TTLL5: variants seen among roughly 807,000 people sequenced by gnomAD.
TTLL5 encodes tubulin tyrosine ligase like 5, also known as tubulin polyglutamylase TTLL5.
A neutral mutation model predicts 168.4 loss-of-function variants in TTLL5; 132 were observed. The observed-to-expected ratio is 0.78, with a 90% CI of 0.68 to 0.91. The LOEUF is 0.91. Among genes scored for constraint, TTLL5 ranks in the 40% least tolerant of loss-of-function variants. The pLI is 0.00. For missense variants in TTLL5, 1,545 were observed against 1,581.5 expected (o/e 0.98, Z 0.39); for synonymous variants, 546 against 558.6 (o/e 0.98, Z 0.32).
intron 30 of TTLL5, among the ~76,000 whole-genome samples, chr14:75,899,622 G>T (rs1008402423): frequency 6.6e-6 from 1 of 152,170 alleles, no homozygotes; most frequent in Non-Finnish European, 1.5e-5. Flanking sequence ...CATTAGAAGT[G>T]TTCAAATTCT....
rs190278106 is a variant in TTLL5, at chr14:75,782,600, T to A, written c.2602+27T>A. 9.6e-5 allele frequency: 152 copies of A among 1,580,852 alleles called. 1 individual carries two copies. In the Admixed American group the frequency reaches 2.5e-3, roughly 26 times the overall value. On this transcript the variant is annotated intron_variant, in intron 25 of 31. Transcript: ENST00000298832. ...TGAGTGATTTCAAACCTACCTAGAT[T>A]TGCTGCTCTCTGATAATTTCCTAAA... is the stretch of plus-strand genomic sequence containing the variant.
chr14:75,783,406 C>T lies in TTLL5; in HGVS notation c.2862C>T (p.Ile954=). The stretch of plus-strand genomic sequence containing the variant: ...GCCTACATCCCGGGGCACAGAACAT[C>T]CCAAGCCCTACTGGCCTGCCACGCT... ...SPCLHPGAQN[I]PSPTGLPRCR... Residue 954 remains isoleucine (I), a synonymous_variant, in exon 26 of 32, where the codon ATC becomes ATT. Coordinates refer to ENST00000298832, the MANE Select transcript of TTLL5 (RefSeq NM_015072.5). The T allele has an allele frequency of 6.2e-7, 1 of 1,614,222 alleles. No individual in the cohort carries two copies. The highest frequency in any genetic ancestry group is 1.7e-5 in the Admixed American group (1 of 60,032).
In TTLL5 at chr14:75,663,304, C is replaced by T. The variant is rs1594830627; in HGVS notation, c.74+81C>T. ...CTCTTATATACTGTTTTACTATATA[C>T]TCTTCTCTTTTACTTATGTACTCTT... On this transcript the variant is annotated intron_variant, in intron 2 of 31. Transcript: ENST00000298832. The T allele has an allele frequency of 5.3e-6, 7 of 1,315,996 alleles. No individual in the cohort carries two copies. In the East Asian group the frequency reaches 1.5e-4, roughly 28 times the overall value. 81.5% of individuals were successfully genotyped at this position (1,315,996 alleles called of 1,614,324 possible).
intron 30 of TTLL5, chr14:75,886,825 T>G: frequency 6.4e-7 from 1 of 1,559,916 alleles, no homozygotes; most frequent in South Asian, 1.2e-5. Flanking sequence ...TGAGCTTTTT[T>G]CAGAGCCAGA....
At chr14:75,747,454 A>G (rs1427302368) in intron 17 of TTLL5, among the ~76,000 whole-genome samples, 1 of 151,036 alleles carries the variant, frequency 6.6e-6, no homozygotes, top group Non-Finnish European at 1.5e-5. Flanking sequence ...ATGTACAGTA[A>G]TTTTTTTAAT....
At chr14:75,897,300 C>G (rs972158920) in intron 30 of TTLL5, among the ~76,000 whole-genome samples, 1 of 152,104 alleles carries the variant, frequency 6.6e-6, no homozygotes, top group Non-Finnish European at 1.5e-5. Context: ...GAACATGTCC[C>G]AAGGAAAGAG....
chr14:75,743,949 T>A (rs963752367), intron 15 of TTLL5, among the ~76,000 whole-genome samples: 8 of 152,134 alleles, frequency 5.3e-5, no homozygotes, highest in Non-Finnish European at 1.2e-4. Context: ...TCATCTGACT[T>A]TAATTACCTT....
chr14:75,807,701 G>A (rs1893739650), intron 27 of TTLL5, among the ~76,000 whole-genome samples: 1 of 152,186 alleles, frequency 6.6e-6, no homozygotes, highest in African/African-American at 2.4e-5. Flanking sequence ...CTGACTCTGT[G>A]CTCTTTACCT....
intron 12 of TTLL5, among the ~76,000 whole-genome samples, chr14:75,729,770 G>A (rs2140227711): frequency 6.6e-6 from 1 of 152,136 alleles, no homozygotes; most frequent in East Asian, 1.9e-4. Flanking sequence ...GCAGTAACAA[G>A]ATTTATTCAT....
At chr14:75,775,780 G>C in intron 22 of TTLL5, 150 bp downstream of exon 22, 1 of 1,017,020 alleles carries the variant, frequency 9.8e-7, no homozygotes, top group Non-Finnish European at 1.4e-6. Context: ...GGGGAAGCAG[G>C]ACCCCACACC....
intron 26 of TTLL5, among the ~76,000 whole-genome samples, chr14:75,787,334 A>C (rs1338934490): frequency 1.3e-5 from 2 of 152,228 alleles, no homozygotes; most frequent in Non-Finnish European, 2.9e-5. Flanking sequence ...GATGAGTACT[A>C]ACCAGAAGAA....
intron 27 of TTLL5, among the ~76,000 whole-genome samples, chr14:75,800,902 G>A (rs1306199785): frequency 6.6e-6 from 1 of 152,136 alleles, no homozygotes; most frequent in Non-Finnish European, 1.5e-5. Context: ...GACTCTGTGA[G>A]GGTCCTTTGT....
intron 28 of TTLL5, among the ~76,000 whole-genome samples, chr14:75,842,470 G>A (rs1462590502): frequency 1.3e-5 from 2 of 152,144 alleles, no homozygotes; most frequent in East Asian, 1.9e-4. Context: ...AGACTAGAAG[G>A]AATCCCTGTG....
intron 6 of TTLL5, among the ~76,000 whole-genome samples, chr14:75,698,878 C>T (rs996826404): frequency 6.6e-6 from 1 of 151,552 alleles, no homozygotes; most frequent in African/African-American, 2.4e-5. Context: ...GCACTCCAGC[C>T]TGGTCAACAG....
Position 75,690,198 on chromosome 14 carries a change from T to C in TTLL5, c.378T>C (p.Tyr126=), listed in dbSNP as rs1489134570. The C allele has an allele frequency of 4.3e-6, 7 of 1,613,042 alleles. No homozygotes were observed. Among genetic ancestry groups the C allele is most frequent in the Admixed American group, 1.7e-5 (1 of 59,630 alleles). ...TACTTTTTTGATTTTTCAGGTCTTA[T>C]GAACTTACCCGGAAGGACCGACTGT... ...AQKVNHFPRS[Y]ELTRKDRLYK... The change falls in exon 6 of 32, where the codon TAT becomes TAC. Residue 126 remains tyrosine, a synonymous_variant. Coordinates refer to ENST00000298832, the MANE Select transcript of TTLL5 (RefSeq NM_015072.5).
chr14:75,877,132 A>AT (rs1232485588), intron 29 of TTLL5, among the ~76,000 whole-genome samples: 1 of 152,216 alleles, frequency 6.6e-6, no homozygotes, highest in African/African-American at 2.4e-5. Context: ...CTACTCAAAT[A>AT]GAGAGTAGCG....
intron 9 of TTLL5, chr14:75,712,110 C>T (rs903093646): frequency 1.3e-5 from 2 of 152,182 alleles, no homozygotes; most frequent in African/African-American, 4.8e-5. Flanking sequence ...CTGTAGGGCG[C>T]TGCCTAGTCA....
intron 4 of TTLL5, among the ~76,000 whole-genome samples, chr14:75,682,596 G>A (rs1032476610): frequency 6.6e-6 from 1 of 152,060 alleles, no homozygotes; most frequent in Admixed American, 6.6e-5. Flanking sequence ...TGAAAACCAT[G>A]GAGTAAGTCA....
At chr14:75,879,256 A>C (rs146614415) in intron 29 of TTLL5, among the ~76,000 whole-genome samples, 35 of 152,334 alleles carry the variant, frequency 2.3e-4, no homozygotes, top group African/African-American at 7.9e-4. Context: ...TGCCAGAGAG[A>C]ATTGAGTAAA....
Sources: gnomAD v4.1 joint callset for allele counts (sites outside exome capture counted in the v4.1 genomes callset) on GRCh38, gnomAD v4.1.1 for gene constraint, MANE v1.5 for transcripts, NCBI Gene and HGNC (gene_info 2026-07-23, HGNC 2026-07-21) for gene names.